The following SGCZ variants were observed in gnomAD, a reference collection of about 807,000 sequenced individuals.
SGCZ encodes zeta-sarcoglycan.
In SGCZ, 40 loss-of-function variants were observed where a neutral mutation model predicts 41.3. The ratio of observed to expected loss-of-function variants is 0.97; its 90% confidence interval spans 0.75 to 1.26. The LOEUF (loss-of-function observed/expected upper bound fraction) is 1.26, where lower values mean the gene tolerates loss of function less well. Ranked by LOEUF, SGCZ falls within the 50% of genes most tolerant of loss-of-function variation. The probability of loss-of-function intolerance (pLI) is 0.00; values close to 1 mark genes in which losing one functional copy is unlikely to be tolerated. For missense variants in SGCZ, 552 were observed against 369.8 expected (o/e 1.49, Z -4.04); for synonymous variants, 206 against 137.5 (o/e 1.50, Z -3.49).
At chr8:14,499,089 A>C (rs1802073959) in intron 2 of SGCZ, among the ~76,000 whole-genome samples, 1 of 151,866 alleles carries the variant, frequency 6.6e-6, no homozygotes. Context: ...ATTTTATTTT[A>C]GTTGATCATT....
intron 2 of SGCZ, among the ~76,000 whole-genome samples, chr8:14,502,610 GA>G (rs34132853): frequency 0.26 from 38,963 of 151,268 alleles, 5,017 homozygotes; most frequent in Admixed American, 0.29. Context: ...AAATTTACAA[GA>G]AAAAAAACAA....
chr8:14,148,847 G>A (rs186451156), intron 5 of SGCZ, among the ~76,000 whole-genome samples: 2 of 152,172 alleles, frequency 1.3e-5, no homozygotes, highest in East Asian at 3.9e-4. Context: ...TCATGACCAA[G>A]TGGGTTTACC....
chr8:15,090,868 T>C (rs1806132016), intron 1 of SGCZ, among the ~76,000 whole-genome samples: 1 of 152,162 alleles, frequency 6.6e-6, no homozygotes, highest in African/African-American at 2.4e-5. Flanking sequence ...AAAATTATAA[T>C]CTTCCAAGGG....
At chr8:14,671,845 T>G (rs1808113484) in intron 1 of SGCZ, among the ~76,000 whole-genome samples, 1 of 152,196 alleles carries the variant, frequency 6.6e-6, no homozygotes, top group Non-Finnish European at 1.5e-5. Flanking sequence ...GTGTCTTCTC[T>G]CTTCCGTATA....
rs189214252 is a variant in SGCZ at position 14,620,191 on chromosome 8, G to T, written c.40-65265C>A. 8.9e-3 allele frequency among the ~76,000 whole-genome samples: 1,349 copies of T among 152,154 alleles called. 17 individuals carry two copies. Among genetic ancestry groups the T allele is most frequent in the African/African-American group, 0.028 (1,162 of 41,532 alleles). On this transcript the variant is annotated intron_variant, in intron 1 of 7. Transcript: ENST00000382080. ...CTGACAAAAACAAGAAATGGGGAAA[G>T]GATTCCCTATTTAATAAATGGTGCT...
At chr8:14,784,978 T>C (rs1036314460) in intron 1 of SGCZ, among the ~76,000 whole-genome samples, 11 of 142,278 alleles carry the variant, frequency 7.7e-5, no homozygotes, top group African/African-American at 2.8e-4. Flanking sequence ...ATATATATAT[T>C]TTTTATATAT....
chr8:14,233,831 T>A (rs1269237045), intron 4 of SGCZ, among the ~76,000 whole-genome samples: 1 of 151,682 alleles, frequency 6.6e-6, no homozygotes, highest in Non-Finnish European at 1.5e-5. Flanking sequence ...AAATAGAAAA[T>A]TTTGACCTGG....
At chr8:14,982,065 G>A (rs954325722) in intron 1 of SGCZ, among the ~76,000 whole-genome samples, 14 of 151,588 alleles carry the variant, frequency 9.2e-5, no homozygotes, top group African/African-American at 1.5e-4. Context: ...TGGGAGGATC[G>A]CTTGAACCCA....
intron 3 of SGCZ, among the ~76,000 whole-genome samples, chr8:14,308,180 A>T (rs1372166412): frequency 6.6e-6 from 1 of 152,144 alleles, no homozygotes; most frequent in Admixed American, 6.6e-5. Context: ...CATATAGAAC[A>T]TTACAAGAGG....
chr8:15,225,644 A>G (rs1801745092), intron 1 of SGCZ, among the ~76,000 whole-genome samples: 1 of 152,244 alleles, frequency 6.6e-6, no homozygotes, highest in African/African-American at 2.4e-5. Flanking sequence ...ATGGGAAATG[A>G]CAATGAATTT....
chr8:15,007,867 G>T (rs1337669958), intron 1 of SGCZ, among the ~76,000 whole-genome samples: 12 of 152,102 alleles, frequency 7.9e-5, no homozygotes. Flanking sequence ...AACTATGTCA[G>T]ATATAATCAT....
chr8:14,406,302 C>T (rs146852624), intron 2 of SGCZ, among the ~76,000 whole-genome samples: 18 of 152,230 alleles, frequency 1.2e-4, no homozygotes, highest in African/African-American at 4.1e-4. Context: ...CCCCATCATG[C>T]CCCACTCTAT....
chr8:14,460,721 G>A (rs1011358947), intron 2 of SGCZ, among the ~76,000 whole-genome samples: 2 of 152,266 alleles, frequency 1.3e-5, no homozygotes, highest in African/African-American at 4.8e-5. Context: ...AGAAAGACAA[G>A]TGTGTGTAGT....
chr8:14,600,271 C>G (rs1217474321), intron 1 of SGCZ, among the ~76,000 whole-genome samples: 1 of 152,160 alleles, frequency 6.6e-6, no homozygotes, highest in African/African-American at 2.4e-5. Flanking sequence ...TGCCCTTGGA[C>G]TCAATTCCTG....
At chr8:15,210,096 G>C (rs903964244) in intron 1 of SGCZ, among the ~76,000 whole-genome samples, 1 of 152,060 alleles carries the variant, frequency 6.6e-6, no homozygotes, top group Non-Finnish European at 1.5e-5. Context: ...ATGATTCTAA[G>C]AGGACAAGTC....
chr8:14,382,672 G>C (rs1000974933), intron 2 of SGCZ, among the ~76,000 whole-genome samples: 2 of 152,202 alleles, frequency 1.3e-5, no homozygotes, highest in African/African-American at 4.8e-5. Context: ...GATAAGGTAA[G>C]TGCTCAGAAC....
Position 14,153,873 on chromosome 8 carries a change from G to A in SGCZ, c.547+10707C>T, listed in dbSNP as rs181388356. Among the ~76,000 whole-genome samples the A allele has an allele frequency of 4.8e-3, 725 of 151,808 alleles. 7 individuals carry two copies. The highest frequency in any genetic ancestry group is 0.017 in the African/African-American group (696 of 41,362). On this transcript the variant is annotated intron_variant, in intron 5 of 7. Transcript: ENST00000382080. Reference sequence around the variant, plus strand: ...GATGAGATTAGTGCCCTTATGAGAAGAAGAGACACCAGGTCGGTCAGTCTG... The same window carrying A: ...GATGAGATTAGTGCCCTTATGAGAAAAAGAGACACCAGGTCGGTCAGTCTG...
chr8:14,366,454 G>A (rs541952977), intron 2 of SGCZ, among the ~76,000 whole-genome samples: 1 of 152,164 alleles, frequency 6.6e-6, no homozygotes, highest in East Asian at 1.9e-4. Context: ...TTCCAACCAG[G>A]TCTCTTTCTA....
intron 2 of SGCZ, among the ~76,000 whole-genome samples, chr8:14,500,889 A>T (rs1276565248): frequency 6.6e-6 from 1 of 152,086 alleles, no homozygotes; most frequent in Non-Finnish European, 1.5e-5. Context: ...TCAGGAAAAA[A>T]ACACATATTT....
Sources: allele counts gnomAD v4.1 joint callset (sites outside exome capture counted in the v4.1 genomes callset), GRCh38; gene constraint gnomAD v4.1.1; transcripts MANE v1.5; gene names NCBI Gene and HGNC (gene_info 2026-07-23, HGNC 2026-07-21).